The following RRBP1 variants were observed in gnomAD, a reference collection of about 807,000 sequenced individuals.
The protein encoded by RRBP1 is ribosome binding protein 1.
A neutral mutation model predicts 165.2 loss-of-function variants in RRBP1; 94 were observed. That is an observed-to-expected ratio of 0.57 (90% CI 0.48 to 0.68). RRBP1 has a LOEUF of 0.68. Among genes scored for constraint, RRBP1 ranks in the 30% least tolerant of loss-of-function variants. The pLI is 0.00. For synonymous variants in RRBP1, 680 were observed against 714.5 expected (o/e 0.95, Z 0.77); for missense variants, 1,676 against 1,763.0 (o/e 0.95, Z 0.88).
intron 7 of RRBP1, 117 bp downstream of exon 7, chr20:17,635,429 G>A (rs955211373): frequency 4.5e-5 from 33 of 739,882 alleles, no homozygotes; most frequent in East Asian, 3.7e-4. Flanking sequence ...GGACGGCTCC[G>A]CACACATGTA....
At chr20:17,623,796 G>T (rs998615465) in intron 13 of RRBP1, among the ~76,000 whole-genome samples, 2 of 152,284 alleles carry the variant, frequency 1.3e-5, no homozygotes, top group Non-Finnish European at 2.9e-5. Context: ...GCCGGGCGTG[G>T]TGGTGCACGC....
chr20:17,662,308 G>C (rs774552529), intron 2 of RRBP1, among the ~76,000 whole-genome samples: 104 of 152,102 alleles, frequency 6.8e-4, no homozygotes, highest in Non-Finnish European at 6.9e-4. Context: ...CATCACAGAA[G>C]GAACACATTA....
rs572121494 is a variant in RRBP1 at position 17,616,847 on chromosome 20, A to G, written c.3760-8T>C. 7.2e-5 allele frequency: 115 copies of G among 1,606,526 alleles called. No homozygotes were observed. The Admixed American group carries it at 1.9e-3, about 26-fold the overall frequency. On this transcript the variant is annotated splice_polypyrimidine_tract_variant and splice_region_variant and intron_variant, in intron 20 of 24. Transcript: ENST00000377813. ...ACTCAACTGCTGCCTGACCTGGAAC[A>G]GGAAGGGGTGTGTTTGCAAATGCAC...
At chr20:17,624,789 C>A in intron 12 of RRBP1, 121 bp from the exon 13 acceptor site, 1 of 699,974 alleles carries the variant, frequency 1.4e-6, no homozygotes, top group Non-Finnish European at 2.5e-6. Context: ...CACAGAGGAC[C>A]TGCCACGGGA....
chr20:17,643,023 T>C lies in RRBP1; in HGVS notation c.2017A>G (p.Ile673Val). 1 of 1,613,928 alleles carries C rather than the reference T, an allele frequency of 6.2e-7. No individual in the cohort carries two copies. The highest frequency in any genetic ancestry group is 8.5e-7 in the Non-Finnish European group (1 of 1,179,982). The change falls in exon 4 of 25, where the codon ATC (isoleucine) becomes GTC (valine). Residue 673 changes from isoleucine to valine, a missense_variant. Physicochemically the swap from Ile to Val is conservative, Grantham distance 29. Transcript: ENST00000377813. This position sits in a 1 kb window ranked among gnomAD's most constrained non-coding sequence, Gnocchi z 4.3. ...ATGATGCCAGCCTTCTCAGACAGGA[T>C]CTCGATGAGCCGCTGGGCCTCGCCC... ...NEGEAQRLIE[I>V]LSEKAGIIQD...
Position 17,615,936 on chromosome 20 carries a change from T to C in RRBP1, c.3941A>G (p.Glu1314Gly). Reference sequence around the variant, plus strand: ...CAGGCAGGGCCTGACCTCCTCAAACTCGGCCGTGAGCTTCTGCCGCTGTGT... The same window carrying C: ...CAGGCAGGGCCTGACCTCCTCAAACCCGGCCGTGAGCTTCTGCCGCTGTGT... The part of the protein sequence containing the change: ...EQTQRQKLTA[E>G]FEEAQTSACR... Residue 1314 changes from glutamate to glycine, a missense_variant, in exon 22 of 25, where the codon GAG becomes GGG. Transcript: ENST00000377813. 1.2e-6 allele frequency: 2 copies of C among 1,609,916 alleles called. No homozygotes were observed. The highest frequency in any genetic ancestry group is 1.7e-6 in the Non-Finnish European group (2 of 1,179,870).
In RRBP1 at chr20:17,660,531, G is replaced by T; in HGVS notation, c.-21-3C>A. ...ATCCTGGCTTGCTTTCCTTTCACCT[G>T]TCAAACATACATGGAGGTTACTATT... is the stretch of plus-strand genomic sequence containing the variant. On this transcript the variant is annotated splice_polypyrimidine_tract_variant and splice_region_variant and intron_variant, in intron 2 of 24. Transcript: ENST00000377813. 6.5e-7 allele frequency: 1 copy of T among 1,542,352 alleles called. No individual in the cohort carries two copies. Among genetic ancestry groups the T allele is most frequent in the Non-Finnish European group, 8.9e-7 (1 of 1,119,164 alleles).
chr20:17,676,751 G>GT (rs2037089651), intron 2 of RRBP1, among the ~76,000 whole-genome samples: 3 of 152,014 alleles, frequency 2.0e-5, no homozygotes, highest in African/African-American at 7.2e-5. Context: ...TCTAGATTTT[G>GT]TTTTTGTTTT....
chr20:17,681,756 C>T (rs1333325378), intron 1 of RRBP1, among the ~76,000 whole-genome samples: 2 of 150,804 alleles, frequency 1.3e-5, no homozygotes, highest in African/African-American at 4.8e-5. Flanking sequence ...GCCCGTCTGC[C>T]GCCGCAGCTC....
chr20:17,658,513 A>G, intron 3 of RRBP1, 83 bp downstream of exon 3: 1 of 1,192,538 alleles, frequency 8.4e-7, no homozygotes, highest in South Asian at 1.5e-5. Flanking sequence ...GCTGACTGAT[A>G]CAGGTGGCAC....
At chr20:17,669,815 G>C (rs1395071357) in intron 2 of RRBP1, among the ~76,000 whole-genome samples, 2 of 152,094 alleles carry the variant, frequency 1.3e-5, no homozygotes, top group African/African-American at 2.4e-5. Context: ...ACAGCAACTT[G>C]CCTAATTCTA....
At chr20:17,660,673 T>G in intron 2 of RRBP1, 145 bp from the exon 3 acceptor site, 1 of 611,894 alleles carries the variant, frequency 1.6e-6, no homozygotes, top group Non-Finnish European at 2.9e-6. Flanking sequence ...AGGCACTCTC[T>G]GATGTCCCAC....
intron 5 of RRBP1, among the ~76,000 whole-genome samples, chr20:17,640,093 T>C (rs1156752085): frequency 6.6e-6 from 1 of 152,156 alleles, no homozygotes; most frequent in Non-Finnish European, 1.5e-5. Context: ...GCCCTCTCAG[T>C]GGCCACTTGA....
At chr20:17,637,963 G>A (rs1317187914) in intron 5 of RRBP1, among the ~76,000 whole-genome samples, 1 of 152,184 alleles carries the variant, frequency 6.6e-6, no homozygotes, top group Non-Finnish European at 1.5e-5. Context: ...GAGCCTTGGA[G>A]AGGACACACT....
chr20:17,661,403 A>ACAGAGGGTGAGGAGACAGTGAG (rs1282097590), intron 2 of RRBP1, among the ~76,000 whole-genome samples: 1 of 152,216 alleles, frequency 6.6e-6, no homozygotes, highest in Admixed American at 6.5e-5. Flanking sequence ...CAGAAGCTGC[A>ACAGAGGGTGAGGAGACAGTGAG]CAGAGGGTGA....
At chr20:17,672,203 G>A (rs1422521132) in intron 2 of RRBP1, among the ~76,000 whole-genome samples, 3 of 152,210 alleles carry the variant, frequency 2.0e-5, no homozygotes, top group African/African-American at 7.2e-5. Flanking sequence ...CTATTGGTTC[G>A]TTTTTAGGAA....
In RRBP1 at chr20:17,658,947, T is replaced by C; in HGVS notation, c.1561A>G (p.Lys521Glu). The C allele has an allele frequency of 1.2e-6, 2 of 1,612,924 alleles. No homozygotes were observed. Among genetic ancestry groups the C allele is most frequent in the Non-Finnish European group, 1.7e-6 (2 of 1,179,840 alleles). ...TTTTTGCCCTGAGCCCCTTCTGTCT[T>C]TTTACCCTGATTCTGGGCTCCCTCT... Reference protein sequence around the residue: ...KGEGAQNQGKKTEGAQGKKAE... With the variant: ...KGEGAQNQGKETEGAQGKKAE... The change falls in exon 3 of 25, where the codon AAG (lysine) becomes GAG (glutamate). Residue 521 changes from lysine (K) to glutamate (E), a missense_variant. Transcript: ENST00000377813.
chr20:17,618,087 G>A (rs2035836041), intron 20 of RRBP1, among the ~76,000 whole-genome samples: 1 of 152,228 alleles, frequency 6.6e-6, no homozygotes, highest in South Asian at 2.1e-4. Flanking sequence ...GCTGGTATGG[G>A]GCCGGGCGTG....
chr20:17,666,465 C>T (rs2036870795), intron 2 of RRBP1, among the ~76,000 whole-genome samples: 1 of 152,194 alleles, frequency 6.6e-6, no homozygotes, highest in Non-Finnish European at 1.5e-5. Flanking sequence ...TTCTACTCCT[C>T]AGCTACAGAC....
Sources: gnomAD v4.1 joint callset for allele counts (sites outside exome capture counted in the v4.1 genomes callset) on GRCh38, gnomAD v4.1.1 for gene constraint, Gnocchi (gnomAD v3.1) non-coding constraint, MANE v1.5 for transcripts, NCBI Gene and HGNC (gene_info 2026-07-23, HGNC 2026-07-21) for gene names.